Variants in MSH6 observed in about 807,000 individuals in gnomAD.
MSH6 encodes the protein mutS homolog 6, also known as DNA mismatch repair protein Msh6.
A neutral mutation model predicts 119.1 loss-of-function variants in MSH6; 85 were observed. That is an observed-to-expected ratio of 0.71 (90% CI 0.60 to 0.85). The LOEUF is 0.85. Ranked by LOEUF, MSH6 falls within the 40% of genes least tolerant of loss-of-function variation. The pLI, the probability that MSH6 is intolerant of heterozygous loss-of-function variation, is 0.00. For missense variants in MSH6, 2,163 were observed against 1,655.3 expected (o/e 1.31, Z -5.32); for synonymous variants, 830 against 586.9 (o/e 1.41, Z -5.99).
chr2:47,802,130 T>C (rs923063261), intron 4 of MSH6, among the ~76,000 whole-genome samples: 15 of 152,234 alleles, frequency 9.9e-5, no homozygotes, highest in African/African-American at 3.6e-4. Flanking sequence ...AGTGAATCCA[T>C]CTGCATACAA....
At chr2:47,788,570 CTTT>C (rs531963943) in intron 1 of MSH6, among the ~76,000 whole-genome samples, 3 of 104,856 alleles carry the variant, frequency 2.9e-5, no homozygotes, top group Non-Finnish European at 3.9e-5. Flanking sequence ...TTTTCTTTTT[CTTT>C]TTTTTTTTTT....
chr2:47,804,742 C>G (rs1266188922), intron 5 of MSH6, among the ~76,000 whole-genome samples, 168 bp from the exon 6 acceptor site: 2 of 152,218 alleles, frequency 1.3e-5, no homozygotes, highest in Non-Finnish European at 2.9e-5. Flanking sequence ...CTCTTAGCCT[C>G]AACTTTCTCC....
rs183569992 is a variant in MSH6, at chr2:47,798,510, C to G, written c.628-101C>G. 16 of 1,220,196 alleles carry G rather than the reference C, an allele frequency of 1.3e-5. No homozygotes were observed. In the East Asian group the frequency reaches 3.2e-4, roughly 24 times the overall value. 75.6% of individuals were successfully genotyped at this position (1,220,196 alleles called of 1,614,324 possible). The stretch of plus-strand genomic sequence containing the variant: ...CTAAAAATGAAAAACAGTGGCTGCA[C>G]GGGTACCATTATAAAGTCAAAAAAT... On this transcript the variant is annotated intron_variant, in intron 3 of 9. Transcript: ENST00000234420.
At chr2:47,807,925 C>G, downstream of MSH6, 1 of 550,768 alleles carries the variant, frequency 1.8e-6, no homozygotes, top group Non-Finnish European at 3.2e-6. Flanking sequence ...AAACACCCAG[C>G]TTTGAGATCC....
intron 1 of MSH6, chr2:47,783,921 G>GGGGC (rs2103955223): frequency 1.2e-6 from 1 of 830,516 alleles, no homozygotes; most frequent in East Asian, 1.1e-4. Context: ...GGGGTGGCGG[G>GGGGC]AAGGAGGAAT....
Position 47,799,099 on chromosome 2 carries a change from G to T in MSH6, c.1116G>T (p.Trp372Cys), listed in dbSNP as rs2104320533. Reference protein sequence around the residue: ...PTVWYHETLEWLKEEKRRDEH... With the variant: ...PTVWYHETLECLKEEKRRDEH... Reference sequence around the variant, plus strand: ...TTTGGTATCATGAAACTTTAGAATGGCTTAAGGAGGAAAAGAGAAGAGATG... The same window carrying T: ...TTTGGTATCATGAAACTTTAGAATGTCTTAAGGAGGAAAAGAGAAGAGATG... The change falls in exon 4 of 10, where the codon TGG (tryptophan) becomes TGT (cysteine). Residue 372 changes from tryptophan to cysteine, a missense_variant. By Grantham distance (215) the Trp-to-Cys change is radical. Coordinates refer to ENST00000234420, the MANE Select transcript of MSH6 (RefSeq NM_000179.3). 6.2e-7 allele frequency: 1 copy of T among 1,614,108 alleles called. No individual in the cohort carries two copies. The highest frequency in any genetic ancestry group is 8.5e-7 in the Non-Finnish European group (1 of 1,180,020).
chr2:47,806,644 T>A lies in MSH6; in HGVS notation c.3994T>A (p.Leu1332Ile), dbSNP rs786204160. 1 of 1,609,878 alleles carries A rather than the reference T, an allele frequency of 6.2e-7. No homozygotes were observed. ...EFEKMNQSLR[L>I]FREVCLASER... is the part of the protein sequence containing the mutation. ...TGAGAAGATGAATCAGTCACTACGA[T>A]TATTTCGGTAACTAACTAACTATAA... is the stretch of plus-strand genomic sequence containing the variant. Residue 1332 changes from leucine (L) to isoleucine (I), a missense_variant, in exon 9 of 10, where the codon TTA becomes ATA. Leu to Ile is a conservative substitution (Grantham distance 5). Coordinates refer to ENST00000234420, the MANE Select transcript of MSH6 (RefSeq NM_000179.3).
chr2:47,800,385 T>C lies in MSH6; in HGVS notation c.2402T>C (p.Val801Ala), dbSNP rs2104404818. The C allele has an allele frequency of 2.5e-6, 4 of 1,614,158 alleles. No individual in the cohort carries two copies. Among genetic ancestry groups the C allele is most frequent in the Non-Finnish European group, 3.4e-6 (4 of 1,180,034 alleles). Reference sequence around the variant, plus strand: ...GATGCCATAGAAGACCTCATGGTTGTGCCTGACAAAATCTCCGAAGTTGTA... The same window carrying C: ...GATGCCATAGAAGACCTCATGGTTGCGCCTGACAAAATCTCCGAAGTTGTA... ...RLDAIEDLMV[V>A]PDKISEVVEL... Residue 801 changes from valine to alanine, a missense_variant, in exon 4 of 10, where the codon GTG (valine) becomes GCG (alanine). Val to Ala is a moderately conservative substitution (Grantham distance 64). Transcript: ENST00000234420.
chr2:47,797,140 A>G (rs1572717747), intron 3 of MSH6, among the ~76,000 whole-genome samples: 2 of 152,218 alleles, frequency 1.3e-5, no homozygotes, highest in African/African-American at 4.8e-5. Flanking sequence ...ATCAGCTATC[A>G]TTAGCATTAG....
In MSH6 at chr2:47,800,544, A is replaced by T. The variant is rs34374438; in HGVS notation, c.2561A>T (p.Lys854Met). Residue 854 changes from lysine (K) to methionine (M), a missense_variant, in exon 4 of 10, where the codon AAG (lysine) becomes ATG (methionine). Lys to Met is a moderately conservative substitution (Grantham distance 95). Coordinates refer to ENST00000234420, the MANE Select transcript of MSH6 (RefSeq NM_000179.3). The stretch of plus-strand genomic sequence containing the variant: ...GAAGAAACTACATACAGCAAGAAGA[A>T]GATTATTGATTTTCTTTCTGCTCTG... ...MYEETTYSKKKIIDFLSALEG... is the reference protein window; with the variant it reads ...MYEETTYSKKMIIDFLSALEG... 2.1e-4 allele frequency: 340 copies of T among 1,613,688 alleles called. No individual in the cohort carries two copies. Among genetic ancestry groups the T allele is most frequent in the Middle Eastern group, 9.9e-4 (6 of 6,060 alleles).
At chr2:47,793,628 T>TA (rs1243552379) in intron 2 of MSH6, among the ~76,000 whole-genome samples, 5 of 150,136 alleles carry the variant, frequency 3.3e-5, no homozygotes, top group East Asian at 2.0e-4. Context: ...AATAAATAAA[T>TA]AAATAAAATA....
intron 1 of MSH6, 83 bp downstream of exon 1, chr2:47,783,576 G>T (rs1384197262): frequency 1.5e-6 from 2 of 1,319,362 alleles, no homozygotes; most frequent in Admixed American, 3.2e-5. Flanking sequence ...CGCACAGGGG[G>T]TTGGGGGGGT....
Position 47,800,097 on chromosome 2 carries a change from A to C in MSH6, c.2114A>C (p.Asn705Thr). 1.2e-6 allele frequency: 2 copies of C among 1,614,180 alleles called. No homozygotes were observed. Among genetic ancestry groups the C allele is most frequent in the South Asian group, 1.1e-5 (1 of 91,082 alleles). ...GATCAGGAGCTTTTATCAATGGCTAATTTTGAAGAATATATTCCCTTGGAT... is the reference window on the plus strand; with the variant it reads ...GATCAGGAGCTTTTATCAATGGCTACTTTTGAAGAATATATTCCCTTGGAT... ...LIDQELLSMA[N>T]FEEYIPLDSD... The change falls in exon 4 of 10, where the codon AAT (asparagine) becomes ACT (threonine). Residue 705 changes from asparagine (N) to threonine (T), a missense_variant. Coordinates refer to ENST00000234420, the MANE Select transcript of MSH6 (RefSeq NM_000179.3).
At chr2:47,786,516 G>C (rs1251710184) in intron 1 of MSH6, among the ~76,000 whole-genome samples, 1 of 1,112 alleles carries the variant, frequency 9.0e-4, no homozygotes. Context: ...TGTGTTTATA[G>C]TAGAGACGGG....
intron 1 of MSH6, chr2:47,789,457 G>T: frequency 2.2e-6 from 1 of 458,876 alleles, no homozygotes; most frequent in Non-Finnish European, 4.5e-6. Context: ...ACAAATGGAA[G>T]ACATTATTTT....
At position 47,783,510 on chromosome 2, in the gene MSH6, G is replaced by A. The variant is rs760760489; in HGVS notation, c.260+17G>A. 1 of 1,419,948 alleles carries A rather than the reference G, an allele frequency of 7.0e-7. No homozygotes were observed. Among genetic ancestry groups the A allele is most frequent in the Non-Finnish European group, 9.2e-7 (1 of 1,086,986 alleles). 88.0% of individuals were successfully genotyped at this position (1,419,948 alleles called of 1,614,324 possible). Reference sequence around the variant, plus strand: ...CCCCACCAGGTAGCGGGGTGGGGGTGGGGTCGAAGGCGGGGGCATAGCGGC... The same window carrying A: ...CCCCACCAGGTAGCGGGGTGGGGGTAGGGTCGAAGGCGGGGGCATAGCGGC... On this transcript the variant is annotated intron_variant, in intron 1 of 9. Transcript: ENST00000234420.
In MSH6 at chr2:47,783,359, T is replaced by G. The variant is rs968909277; in HGVS notation, c.126T>G (p.Pro42=). 1 of 1,606,344 alleles carries G rather than the reference T, an allele frequency of 6.2e-7. No homozygotes were observed. The highest frequency in any genetic ancestry group is 1.3e-5 in the African/African-American group (1 of 74,590). The change falls in exon 1 of 10, where the codon CCT becomes CCG. Residue 42 remains proline, a synonymous_variant. Transcript: ENST00000234420. ...GRAAAAPGAS[P]SPGGDAAWSE... ...CCGCCGCTGCCCCCGGGGCCTCTCC[T>G]TCCCCAGGCGGGGATGCGGCCTGGA...
At chr2:47,796,881 A>AACTTGGGAGGCAGAGGG (rs1035265697) in intron 3 of MSH6, among the ~76,000 whole-genome samples, 4 of 152,122 alleles carry the variant, frequency 2.6e-5, no homozygotes, top group African/African-American at 7.2e-5. Flanking sequence ...GAATTGCTTG[A>AACTTGGGAGGCAGAGGG]ACTTGGGAGG....
Position 47,804,994 on chromosome 2 carries a change from A to G in MSH6, c.3523A>G (p.Thr1175Ala). The change falls in exon 6 of 10, where the codon ACT (threonine) becomes GCT (alanine). Residue 1175 changes from threonine to alanine, a missense_variant. Thr to Ala is a moderately conservative substitution (Grantham distance 58). Transcript: ENST00000234420. ...GCTCACACCAATTGATAGAGTGTTT[A>G]CTAGACTTGGTGCCTCAGACAGAAT... ...CRLTPIDRVF[T>A]RLGASDRIMS... 1 of 1,613,994 alleles carries G rather than the reference A, an allele frequency of 6.2e-7. No homozygotes were observed. The highest frequency in any genetic ancestry group is 2.2e-5 in the East Asian group (1 of 44,884).
Sources: gnomAD v4.1 joint callset for allele counts (sites outside exome capture counted in the v4.1 genomes callset) on GRCh38, gnomAD v4.1.1 for gene constraint, MANE v1.5 for transcripts, NCBI Gene and HGNC (gene_info 2026-07-23, HGNC 2026-07-21) for gene names.